Variants in USP31 observed in about 807,000 individuals in gnomAD.
The protein encoded by USP31 is ubiquitin carboxyl-terminal hydrolase 31.
A neutral mutation model predicts 119.4 loss-of-function variants in USP31; 44 were observed. The observed-to-expected ratio is 0.37, with a 90% CI of 0.29 to 0.47. USP31 has a LOEUF of 0.47. USP31 is among the 20% of genes least tolerant of loss of function. The pLI is 0.99. For synonymous variants in USP31, 749 were observed against 705.6 expected, an observed-to-expected ratio of 1.06 and a Z score of -0.97; for missense variants, 1,643 against 1,730.2, an observed-to-expected ratio of 0.95 and a Z score of 0.89.
chr16:23,142,732 G>T (rs898734318), intron 1 of USP31, among the ~76,000 whole-genome samples: 3 of 152,188 alleles, frequency 2.0e-5, no homozygotes, highest in Non-Finnish European at 4.4e-5. Context: ...TCCCTCAGAG[G>T]TGTGGAGCTT....
intron 1 of USP31, among the ~76,000 whole-genome samples, chr16:23,147,666 C>G (rs1419033241): frequency 6.6e-6 from 1 of 152,206 alleles, no homozygotes; most frequent in Non-Finnish European, 1.5e-5. Flanking sequence ...ATAGCTCACC[C>G]CTGTAATCCC....
intron 6 of USP31, among the ~76,000 whole-genome samples, chr16:23,100,646 G>A (rs958394386): frequency 3.3e-5 from 5 of 152,054 alleles, no homozygotes; most frequent in African/African-American, 4.8e-5. Context: ...GGTGGCATGC[G>A]CCTGTGATCC....
chr16:23,109,329 T>C (rs1256048199), intron 1 of USP31, among the ~76,000 whole-genome samples: 1 of 152,036 alleles, frequency 6.6e-6, no homozygotes, highest in Non-Finnish European at 1.5e-5. Flanking sequence ...ACACGGGACA[T>C]GTCAAAGGGA....
intron 1 of USP31, among the ~76,000 whole-genome samples, chr16:23,127,912 A>G (rs1282044753): frequency 1.3e-5 from 2 of 152,220 alleles, no homozygotes; most frequent in African/African-American, 4.8e-5. Flanking sequence ...AAACTACCAA[A>G]TAAGTCTTAA....
At chr16:23,093,760 C>T (rs1384216260) in intron 6 of USP31, among the ~76,000 whole-genome samples, 3 of 151,860 alleles carry the variant, frequency 2.0e-5, no homozygotes, top group African/African-American at 7.3e-5. Context: ...TCATAATAGA[C>T]AAAAGGTAGG....
chr16:23,081,759 C>T (rs1900838209), intron 12 of USP31, among the ~76,000 whole-genome samples: 1 of 152,252 alleles, frequency 6.6e-6, no homozygotes, highest in Non-Finnish European at 1.5e-5. Context: ...GCCTGCCCAC[C>T]TGGCCTGCTC....
chr16:23,088,075 G>A (rs533973172), intron 7 of USP31, among the ~76,000 whole-genome samples: 10 of 152,294 alleles, frequency 6.6e-5, no homozygotes, highest in African/African-American at 2.2e-4. Context: ...ATGGTGCTAG[G>A]ACAGCAGGTG....
intron 6 of USP31, among the ~76,000 whole-genome samples, chr16:23,101,730 A>G (rs1049528426): frequency 2.0e-5 from 3 of 152,148 alleles, no homozygotes; most frequent in Non-Finnish European, 4.4e-5. Context: ...CGAGGAGCAA[A>G]GTCTGAGTTG....
intron 1 of USP31, among the ~76,000 whole-genome samples, chr16:23,146,313 G>A (rs1410096198): frequency 1.3e-5 from 2 of 152,044 alleles, no homozygotes; most frequent in Non-Finnish European, 2.9e-5. Context: ...GATCTCAGCT[G>A]GGCACGGTGG....
chr16:23,080,295 A>G, intron 12 of USP31, 124 bp from the exon 13 acceptor site: 1 of 787,026 alleles, frequency 1.3e-6, no homozygotes, highest in Non-Finnish European at 2.0e-6. Context: ...ATGTTTCCCA[A>G]GACATACAAA....
chr16:23,116,930 G>T (rs564809381), intron 1 of USP31, among the ~76,000 whole-genome samples: 1 of 152,220 alleles, frequency 6.6e-6, no homozygotes, highest in African/African-American at 2.4e-5. Context: ...GTTATTCCTG[G>T]TACAGGTTGA....
chr16:23,128,936 C>T (rs1312368480), intron 1 of USP31, among the ~76,000 whole-genome samples: 2 of 152,164 alleles, frequency 1.3e-5, no homozygotes, highest in Non-Finnish European at 2.9e-5. Flanking sequence ...ATGAAGTTTC[C>T]GTTGCCAGTC....
chr16:23,116,081 G>C (rs757785849), intron 1 of USP31, among the ~76,000 whole-genome samples: 1 of 152,172 alleles, frequency 6.6e-6, no homozygotes, highest in Non-Finnish European at 1.5e-5. Flanking sequence ...TGAATGACTG[G>C]AAGTTGGGCT....
intron 6 of USP31, among the ~76,000 whole-genome samples, chr16:23,099,804 CA>C (rs1263334523): frequency 1.3e-5 from 2 of 152,124 alleles, no homozygotes; most frequent in Non-Finnish European, 2.9e-5. Flanking sequence ...TAGTATTCAG[CA>C]TATGTGAAAA....
At chr16:23,117,751 CT>C (rs67615111) in intron 1 of USP31, among the ~76,000 whole-genome samples, 80 of 141,500 alleles carry the variant, frequency 5.7e-4, no homozygotes, top group Admixed American at 7.9e-4. Flanking sequence ...TTTTCCTTTT[CT>C]TTTTTTTTTT....
Position 23,148,082 on chromosome 16 carries a change from A to C in USP31, c.633+556T>G, listed in dbSNP as rs74734744. Among the ~76,000 whole-genome samples the C allele has an allele frequency of 7.0e-3, 1,065 of 152,366 alleles. 7 individuals carry two copies. The highest frequency in any genetic ancestry group is 0.025 in the African/African-American group (1,020 of 41,578). On this transcript the variant is annotated intron_variant, in intron 1 of 15. Coordinates refer to ENST00000219689, the MANE Select transcript of USP31 (RefSeq NM_020718.4). The stretch of plus-strand genomic sequence containing the variant: ...TAGCAGCAAATACACATGATATGGA[A>C]GTATTTTACTTATCAGGTTGAACCC...
intron 6 of USP31, among the ~76,000 whole-genome samples, chr16:23,099,457 T>A (rs1301455776): frequency 2.6e-5 from 4 of 152,132 alleles, no homozygotes; most frequent in African/African-American, 9.7e-5. Flanking sequence ...GACCCAGCAA[T>A]CCCATTACTG....
intron 1 of USP31, among the ~76,000 whole-genome samples, chr16:23,127,474 T>G (rs1313680305): frequency 6.6e-6 from 1 of 151,986 alleles, no homozygotes; most frequent in Admixed American, 6.6e-5. Flanking sequence ...ACAACTGATT[T>G]TTTTTTGAGA....
Position 23,068,206 on chromosome 16 carries a change from G to A in USP31, c.3899C>T (p.Ser1300Phe). 6.2e-7 allele frequency: 1 copy of A among 1,614,192 alleles called. No individual in the cohort carries two copies. The highest frequency in any genetic ancestry group is 8.5e-7 in the Non-Finnish European group (1 of 1,180,050). Residue 1300 changes from serine to phenylalanine, a missense_variant, in exon 16 of 16, where the codon TCT becomes TTT. Ser to Phe is a radical substitution (Grantham distance 155). Around this residue, in one of 5 missense-constraint regions of USP31, gnomAD observed 699 missense variants for 650.9 expected, o/e 1.07. Transcript: ENST00000219689. ...KEQLVTKDPA[S>F]AKHSLLSARK... ...AGCGGACAGCAGGGAATGTTTGGCAGAAGCAGGGTCCTTGGTGACAAGCTG... is the reference window on the plus strand; with the variant it reads ...AGCGGACAGCAGGGAATGTTTGGCAAAAGCAGGGTCCTTGGTGACAAGCTG...
Sources: allele counts gnomAD v4.1 joint callset (sites outside exome capture counted in the v4.1 genomes callset), GRCh38; gene constraint gnomAD v4.1.1; regional missense constraint gnomAD v4.1.1; transcripts MANE v1.5; gene names NCBI Gene and HGNC (gene_info 2026-07-23, HGNC 2026-07-21).